Variants in ANGPT2 observed in about 807,000 individuals in gnomAD.
ANGPT2 encodes angiopoietin 2, also known as angiopoietin-2.
Under a neutral mutation model 62.9 loss-of-function variants are expected in ANGPT2, and 28 were observed. The observed-to-expected ratio is 0.44, with a 90% confidence interval of 0.33 to 0.61. The LOEUF is 0.61. Ranked by LOEUF, ANGPT2 falls within the 20% of genes least tolerant of loss-of-function variation. The pLI, the probability that ANGPT2 is intolerant of heterozygous loss-of-function variation, is 0.03. For missense variants in ANGPT2, 727 were observed against 594.9 expected (o/e 1.22, Z -2.31); for synonymous variants, 284 against 207.8 (o/e 1.37, Z -3.15).
At chr8:6,513,558 C>G in intron 7 of ANGPT2, 120 bp downstream of exon 7, 1 of 659,172 alleles carries the variant, frequency 1.5e-6, no homozygotes, top group Non-Finnish European at 2.4e-6. Flanking sequence ...TGGTCTCAAT[C>G]TCCTGACCTC....
chr8:6,554,783 C>A (rs1333930000), intron 1 of ANGPT2, among the ~76,000 whole-genome samples: 1 of 152,114 alleles, frequency 6.6e-6, no homozygotes, highest in Non-Finnish European at 1.5e-5. Flanking sequence ...AGGTTTCAAT[C>A]AGGTTCTAGA....
intron 7 of ANGPT2, among the ~76,000 whole-genome samples, chr8:6,511,751 A>G (rs1815147394): frequency 6.6e-6 from 1 of 152,226 alleles, no homozygotes; most frequent in Admixed American, 6.5e-5. Context: ...TAAATGGCCT[A>G]TCCAAAAATT....
At chr8:6,503,532 C>G (rs528036235) in intron 8 of ANGPT2, among the ~76,000 whole-genome samples, 2 of 152,126 alleles carry the variant, frequency 1.3e-5, no homozygotes, top group African/African-American at 2.4e-5. Context: ...TCTCCACAGT[C>G]CTATTTGGTA....
At chr8:6,505,239 A>AAT (rs3990064) in intron 8 of ANGPT2, among the ~76,000 whole-genome samples, 929 of 60,702 alleles carry the variant, frequency 0.015, 162 homozygotes, top group African/African-American at 0.055. Flanking sequence ...GTATATATAG[A>AAT]ATATATATTC....
chr8:6,515,647 T>G lies in ANGPT2; in HGVS notation c.928-869A>C, dbSNP rs1359349500. On this transcript the variant is annotated intron_variant, in intron 5 of 8. Coordinates refer to ENST00000629816, the MANE Select transcript of ANGPT2 (RefSeq NM_001118887.2). ...TGAAAATAAGATTACATAAATAGTT[T>G]TAAATAATAAAGATTACAGTAGAAC... Among the ~76,000 whole-genome samples the G allele has an allele frequency of 2.0e-5, 3 of 152,332 alleles. No individual in the cohort carries two copies. In the East Asian group the frequency reaches 5.8e-4, roughly 29 times the overall value.
intron 1 of ANGPT2, among the ~76,000 whole-genome samples, chr8:6,559,598 T>C (rs1288757088): frequency 6.6e-6 from 1 of 152,238 alleles, no homozygotes. Flanking sequence ...AACGTGTTCA[T>C]AGACTGCAGT....
chr8:6,517,029 G>A (rs1266450322), intron 5 of ANGPT2, among the ~76,000 whole-genome samples: 1 of 152,218 alleles, frequency 6.6e-6, no homozygotes, highest in Non-Finnish European at 1.5e-5. Context: ...CAGAGGATTT[G>A]TAAAAACTGG....
intron 4 of ANGPT2, 72 bp from the exon 5 acceptor site, chr8:6,520,063 A>T: frequency 6.4e-7 from 1 of 1,554,088 alleles, no homozygotes; most frequent in South Asian, 1.2e-5. Flanking sequence ...TTCAAGAGCC[A>T]ATCATTTGGT....
Position 6,509,070 on chromosome 8 carries a change from C to T in ANGPT2, c.1197-8G>A, listed in dbSNP as rs367825488. ...AGTCCTTTAAGGTGAATCCTGTAAGCGTGCAAAGAAAAAAAACACATTGGC... is the reference window on the plus strand; with the variant it reads ...AGTCCTTTAAGGTGAATCCTGTAAGTGTGCAAAGAAAAAAAACACATTGGC... On this transcript the variant is annotated splice_polypyrimidine_tract_variant and splice_region_variant and intron_variant, in intron 7 of 8. Coordinates refer to ENST00000629816, the MANE Select transcript of ANGPT2 (RefSeq NM_001118887.2). The T allele has an allele frequency of 1.6e-4, 263 of 1,610,360 alleles. 1 individual carries two copies. In the African/African-American group the frequency reaches 2.7e-3, roughly 17 times the overall value.
chr8:6,514,893 G>A (rs768497220), intron 5 of ANGPT2, 115 bp from the exon 6 acceptor site: 2 of 786,346 alleles, frequency 2.5e-6, no homozygotes, highest in Non-Finnish European at 4.2e-6. Context: ...GGGTTCTCTG[G>A]GATATAAGGC....
chr8:6,542,343 T>C (rs902770614), intron 1 of ANGPT2, among the ~76,000 whole-genome samples: 23 of 152,006 alleles, frequency 1.5e-4, no homozygotes, highest in Admixed American at 9.2e-4. Context: ...TGTGTGTGTG[T>C]TTCAGTTCTC....
At chr8:6,523,143 G>A (rs1220113787) in intron 3 of ANGPT2, among the ~76,000 whole-genome samples, 5 of 151,918 alleles carry the variant, frequency 3.3e-5, no homozygotes, top group African/African-American at 9.7e-5. Context: ...GACTACAGGC[G>A]CATGTCACCA....
At chr8:6,529,968 T>C (rs1192614475) in intron 2 of ANGPT2, among the ~76,000 whole-genome samples, 1 of 152,094 alleles carries the variant, frequency 6.6e-6, no homozygotes, top group Admixed American at 6.5e-5. Context: ...AAGGTTTGCA[T>C]TGCTGCTCTG....
intron 1 of ANGPT2, among the ~76,000 whole-genome samples, chr8:6,559,326 A>G (rs2515505): frequency 0.96 from 146,403 of 152,146 alleles, 70,618 homozygotes; most frequent in Non-Finnish European, 1. Context: ...CTCACCATCC[A>G]TTTCTCCCAG....
In ANGPT2 at chr8:6,553,665, A is replaced by T. The variant is rs971070600; in HGVS notation, c.288+8982T>A. 5.6e-5 allele frequency among the ~76,000 whole-genome samples: 8 copies of T among 142,988 alleles called. 1 individual carries two copies. In the South Asian group the frequency reaches 9.2e-4, roughly 16 times the overall value. The allele number at this position is 142,988 out of a possible 152,430, so 93.8% of individuals were successfully genotyped here. On this transcript the variant is annotated intron_variant, in intron 1 of 8. Coordinates refer to ENST00000629816, the MANE Select transcript of ANGPT2 (RefSeq NM_001118887.2). ...ACAAAATCCCTGAAATGGTCTCAAA[A>T]TTTTTTTTTTTTTTTTTACCTCTCC... is the stretch of plus-strand genomic sequence containing the variant.
At chr8:6,553,370 AGCCAGCCCTCACTAGGGTCT>A (rs1163415526) in intron 1 of ANGPT2, among the ~76,000 whole-genome samples, 3 of 152,214 alleles carry the variant, frequency 2.0e-5, no homozygotes, top group Non-Finnish European at 4.4e-5. Context: ...CAGTAAACCT[AGCCAGCCCTCACTAGGGTCT>A]TCTGATGGTT....
At chr8:6,527,893 G>A (rs779887643) in intron 2 of ANGPT2, among the ~76,000 whole-genome samples, 14 of 114,664 alleles carry the variant, frequency 1.2e-4, no homozygotes, top group African/African-American at 3.4e-4. Flanking sequence ...TTTTCCCCAC[G>A]TCTCTATTTT....
rs950964783 is a variant in ANGPT2, at chr8:6,524,347, A to G, written c.567-2937T>C. Among the ~76,000 whole-genome samples the G allele has an allele frequency of 2.6e-5, 4 of 152,258 alleles. No homozygotes were observed. The South Asian group carries it at 6.2e-4, about 24-fold the overall frequency. On this transcript the variant is annotated intron_variant, in intron 3 of 8. Transcript: ENST00000629816. ...ACATTAGAAGCTGGTGAAATATTCT[A>G]TACATTTCACTAGCTTTTCTGCGAA... is the stretch of plus-strand genomic sequence containing the variant.
rs148127850 is a variant in ANGPT2, at chr8:6,555,226, G to C, written c.288+7421C>G. Among the ~76,000 whole-genome samples, 3 of 152,238 alleles carry C rather than the reference G, an allele frequency of 2.0e-5. No individual in the cohort carries two copies. In the East Asian group the frequency reaches 5.8e-4, roughly 29 times the overall value. ...TGGTGATCCAGTCTGTAGAATGTGAGATGGACAATAACAATCAAACCGTTT... is the reference window on the plus strand; with the variant it reads ...TGGTGATCCAGTCTGTAGAATGTGACATGGACAATAACAATCAAACCGTTT... On this transcript the variant is annotated intron_variant, in intron 1 of 8. Transcript: ENST00000629816.
Sources: gnomAD v4.1 joint callset for allele counts (sites outside exome capture counted in the v4.1 genomes callset) on GRCh38, gnomAD v4.1.1 for gene constraint, MANE v1.5 for transcripts, NCBI Gene and HGNC (gene_info 2026-07-23, HGNC 2026-07-21) for gene names.